SPTLC3: variants seen among roughly 807,000 people sequenced by gnomAD.
The protein encoded by SPTLC3 is serine palmitoyltransferase 3.
A neutral mutation model predicts 59.3 loss-of-function variants in SPTLC3; 36 were observed. The ratio of observed to expected loss-of-function variants is 0.61; its 90% CI spans 0.47 to 0.80. The LOEUF (loss-of-function observed/expected upper bound fraction) is 0.80, where lower values mean the gene tolerates loss of function less well. Among genes scored for constraint, SPTLC3 ranks in the 30% least tolerant of loss-of-function variants. The pLI is 0.00. For synonymous variants in SPTLC3, 257 were observed against 240.8 expected (o/e 1.07, Z -0.62); for missense variants, 625 against 685.1 (o/e 0.91, Z 0.98).
At chr20:13,133,792 T>C (rs1471929806) in intron 9 of SPTLC3, among the ~76,000 whole-genome samples, 1 of 152,196 alleles carries the variant, frequency 6.6e-6, no homozygotes, top group African/African-American at 2.4e-5. Context: ...GTCCAGTGAT[T>C]GTAGGCTGGA....
rs141304552 is a variant in SPTLC3 at position 13,079,176 on chromosome 20, T to C, written c.607+4679T>C. Among the ~76,000 whole-genome samples the C allele has an allele frequency of 4.3e-3, 652 of 152,268 alleles. 2 individuals carry two copies. The Middle Eastern group carries it at 0.045, about 10-fold the overall frequency. The stretch of plus-strand genomic sequence containing the variant: ...TATCCTTGAAGGGGAAAATTCAGTA[T>C]TGTAATTATATTAATTCTTCCCCAA... On this transcript the variant is annotated intron_variant, in intron 4 of 11. Transcript: ENST00000399002.
chr20:13,153,365 G>A (rs2038693361), intron 9 of SPTLC3, among the ~76,000 whole-genome samples: 1 of 152,148 alleles, frequency 6.6e-6, no homozygotes. Flanking sequence ...TTGTCTTTCT[G>A]TTCTGGGCCA....
chr20:13,067,647 ATC>A (rs1988274628), intron 2 of SPTLC3, among the ~76,000 whole-genome samples: 1 of 152,190 alleles, frequency 6.6e-6, no homozygotes, highest in African/African-American at 2.4e-5. Flanking sequence ...TTTATTCAAT[ATC>A]TCTATCTAAT....
chr20:13,121,847 CTTAA>C (rs2037874612), intron 8 of SPTLC3, among the ~76,000 whole-genome samples: 1 of 152,124 alleles, frequency 6.6e-6, no homozygotes, highest in East Asian at 1.9e-4. Flanking sequence ...GCAAGATAGT[CTTAA>C]CATTAAAAAG....
intron 2 of SPTLC3, among the ~76,000 whole-genome samples, chr20:13,052,483 TTTG>T (rs1362593855): frequency 6.6e-6 from 1 of 151,960 alleles, no homozygotes; most frequent in Non-Finnish European, 1.5e-5. Flanking sequence ...CAGGAGTTTT[TTTG>T]TTGTTGTTTG....
chr20:13,061,837 C>G (rs1987988862), intron 2 of SPTLC3, among the ~76,000 whole-genome samples: 1 of 152,206 alleles, frequency 6.6e-6, no homozygotes, highest in African/African-American at 2.4e-5. Context: ...AGTCTCTTCT[C>G]CACTAACAAG....
chr20:13,058,876 G>A (rs534831746), intron 2 of SPTLC3, among the ~76,000 whole-genome samples: 1 of 152,314 alleles, frequency 6.6e-6, no homozygotes, highest in Admixed American at 6.5e-5. Context: ...TAAGTTGACA[G>A]ACATGGAGTT....
chr20:13,122,964 G>T (rs1463827853), intron 8 of SPTLC3, among the ~76,000 whole-genome samples: 1 of 152,168 alleles, frequency 6.6e-6, no homozygotes, highest in East Asian at 1.9e-4. Flanking sequence ...GACACTCCAA[G>T]AAGCTTTTAT....
At chr20:13,034,416 A>G (rs1412183165) in intron 1 of SPTLC3, among the ~76,000 whole-genome samples, 2 of 152,186 alleles carry the variant, frequency 1.3e-5, no homozygotes, top group Non-Finnish European at 2.9e-5. Context: ...TCCCCAGCAC[A>G]GGGCAAAGGT....
At chr20:13,081,266 T>A (rs1377392778) in intron 4 of SPTLC3, among the ~76,000 whole-genome samples, 1 of 152,214 alleles carries the variant, frequency 6.6e-6, no homozygotes. Context: ...CATTGGTTAA[T>A]AATTGGCTAT....
intron 1 of SPTLC3, among the ~76,000 whole-genome samples, chr20:13,022,157 A>T (rs1204162899): frequency 6.6e-6 from 1 of 152,170 alleles, no homozygotes; most frequent in Non-Finnish European, 1.5e-5. Context: ...TTGTGGCTCA[A>T]GCCATAAACC....
intron 3 of SPTLC3, chr20:13,073,948 C>G: frequency 1.7e-6 from 1 of 587,934 alleles, no homozygotes; most frequent in Non-Finnish European, 3.4e-6. Context: ...AGGTGTGGCA[C>G]CTGAGTGGAT....
rs145455285 is a variant in SPTLC3 at position 13,111,377 on chromosome 20, C to T, written c.932+1160C>T. On this transcript the variant is annotated intron_variant, in intron 7 of 11. Transcript: ENST00000399002. ...CTTGCCCCAGCCTAGGCACATTTGG[C>T]GATTTTCAGTCATTATAACTGCAGT... is the stretch of plus-strand genomic sequence containing the variant. Among the ~76,000 whole-genome samples, 546 of 152,230 alleles carry T rather than the reference C, an allele frequency of 3.6e-3. 7 individuals carry two copies. The highest frequency in any genetic ancestry group is 0.012 in the African/African-American group (513 of 41,520).
intron 1 of SPTLC3, among the ~76,000 whole-genome samples, chr20:13,038,181 CACCA>C (rs1344991680): frequency 6.6e-6 from 1 of 151,930 alleles, no homozygotes; most frequent in East Asian, 1.9e-4. Context: ...TAATTTTGAT[CACCA>C]AGGTAATATA....
Position 13,029,459 on chromosome 20 carries a change from T to C in SPTLC3, c.118-19486T>C, listed in dbSNP as rs146004910. On this transcript the variant is annotated intron_variant, in intron 1 of 11. Transcript: ENST00000399002. ...TATACAAAGCTGGTTGATTCAGGAG[T>C]ATTGCTAGTCAAGATTAGCCTTGCT... Among the ~76,000 whole-genome samples the C allele has an allele frequency of 3.6e-4, 55 of 152,192 alleles. 1 individual carries two copies. The highest frequency in any genetic ancestry group is 1.3e-3 in the African/African-American group (54 of 41,516).
chr20:13,149,389 C>T (rs1475734005), intron 9 of SPTLC3, among the ~76,000 whole-genome samples: 7 of 152,206 alleles, frequency 4.6e-5, no homozygotes, highest in Admixed American at 4.6e-4. Context: ...GCAAGAATCT[C>T]AAAGCCCAAC....
intron 2 of SPTLC3, among the ~76,000 whole-genome samples, chr20:13,056,740 T>A (rs11907648): frequency 0.013 from 1,855 of 140,598 alleles, 37 homozygotes; most frequent in African/African-American, 0.044. Flanking sequence ...CCATCCTTAA[T>A]CTTTTTTTTT....
intron 1 of SPTLC3, among the ~76,000 whole-genome samples, chr20:13,011,945 A>G (rs1224052451): frequency 1.3e-5 from 2 of 151,894 alleles, no homozygotes; most frequent in African/African-American, 4.8e-5. Flanking sequence ...TAATCTATAA[A>G]CTTGATATTT....
At chr20:13,025,219 C>CGTAA (rs1986084595) in intron 1 of SPTLC3, among the ~76,000 whole-genome samples, 1 of 152,160 alleles carries the variant, frequency 6.6e-6, no homozygotes, top group African/African-American at 2.4e-5. Flanking sequence ...TCAATCCTTA[C>CGTAA]AATAGACTTT....
Sources: allele counts gnomAD v4.1 joint callset (sites outside exome capture counted in the v4.1 genomes callset), GRCh38; gene constraint gnomAD v4.1.1; transcripts MANE v1.5; gene names NCBI Gene and HGNC (gene_info 2026-07-23, HGNC 2026-07-21).